The following PDCD11 variants were observed in gnomAD, a reference collection of about 807,000 sequenced individuals.
PDCD11 encodes programmed cell death 11, also known as protein RRP5 homolog.
PDCD11 carries 97 observed loss-of-function variants against 198.9 expected under a neutral mutation model. The observed-to-expected ratio is 0.49, with a 90% CI of 0.41 to 0.58. The LOEUF is 0.58. Ranked by LOEUF, PDCD11 falls within the 20% of genes least tolerant of loss-of-function variation. The pLI is 0.00. For missense variants in PDCD11, 2,102 were observed against 2,312.7 expected, an observed-to-expected ratio of 0.91 and a Z score of 1.87; for synonymous variants, 893 against 918.0, an observed-to-expected ratio of 0.97 and a Z score of 0.49.
intron 21 of PDCD11, among the ~76,000 whole-genome samples, chr10:103,430,358 C>T (rs2031876487): frequency 6.6e-6 from 1 of 152,100 alleles, no homozygotes; most frequent in Admixed American, 6.5e-5. Context: ...GTTTATCCAC[C>T]CATTGGTCAA....
chr10:103,440,163 G>A, intron 28 of PDCD11, 127 bp from the exon 29 acceptor site: 1 of 1,365,550 alleles, frequency 7.3e-7, no homozygotes, highest in South Asian at 1.4e-5. Context: ...AATATTGAAA[G>A]GACTCCCAAG....
intron 8 of PDCD11, among the ~76,000 whole-genome samples, chr10:103,410,210 A>G (rs1008292197): frequency 1.6e-4 from 24 of 151,584 alleles, no homozygotes; most frequent in African/African-American, 5.8e-4. Flanking sequence ...ACTCCAGCCT[A>G]GACAACAGAG....
chr10:103,421,973 C>CAAAA (rs964087668), intron 17 of PDCD11, among the ~76,000 whole-genome samples: 1 of 26,184 alleles, frequency 3.8e-5, no homozygotes, highest in African/African-American at 1.3e-4. Context: ...GACTCCGTCT[C>CAAAA]AAAAAAAAAA....
rs376063378 is a variant in PDCD11 at position 103,423,512 on chromosome 10, A to G, written c.2648-31A>G. Reference sequence around the variant, plus strand: ...TGCTCTCCCTTCACTCTGTTCCAGAAGGATAATCACACTGTGGTTCTGCAC... The same window carrying G: ...TGCTCTCCCTTCACTCTGTTCCAGAGGGATAATCACACTGTGGTTCTGCAC... On this transcript the variant is annotated intron_variant, in intron 18 of 35. Transcript: ENST00000369797. The G allele has an allele frequency of 7.4e-6, 11 of 1,490,310 alleles. No individual in the cohort carries two copies. In the African/African-American group the frequency reaches 1.2e-4, roughly 17 times the overall value. The allele number at this position is 1,490,310 out of a possible 1,614,324, so 92.3% of individuals were successfully genotyped here. A position where few individuals can be genotyped will look rare whatever the true frequency, so the allele number is the denominator to read the frequency against.
intron 21 of PDCD11, 114 bp downstream of exon 21, chr10:103,427,505 C>A: frequency 1.2e-6 from 1 of 856,228 alleles, no homozygotes; most frequent in Non-Finnish European, 1.8e-6. Context: ...TTGCCTTTCT[C>A]TGTCCAAGTT....
intron 33 of PDCD11, among the ~76,000 whole-genome samples, chr10:103,443,700 G>A (rs1016042101): frequency 3.9e-5 from 6 of 152,154 alleles, no homozygotes; most frequent in Admixed American, 6.5e-5. Flanking sequence ...CCATGGGTGC[G>A]GATCAGCAGG....
chr10:103,431,944 G>A (rs1035432472), intron 21 of PDCD11, among the ~76,000 whole-genome samples, 185 bp from the exon 22 acceptor site: 4 of 152,216 alleles, frequency 2.6e-5, no homozygotes, highest in East Asian at 1.9e-4. Context: ...TGAATGAAAC[G>A]GAAAAGATTA....
chr10:103,418,675 G>C (rs548194966), intron 15 of PDCD11, 41 bp downstream of exon 15: 18 of 1,534,434 alleles, frequency 1.2e-5, no homozygotes, highest in Non-Finnish European at 1.5e-5. Context: ...GAAGGTGGGG[G>C]GCCATGGGTG....
intron 25 of PDCD11, among the ~76,000 whole-genome samples, chr10:103,435,802 G>A (rs188258586): frequency 1.1e-4 from 17 of 152,210 alleles, no homozygotes; most frequent in Non-Finnish European, 1.9e-4. Flanking sequence ...CATGAGCCAC[G>A]GTGCCTGGCC....
In PDCD11 at chr10:103,445,827, G is replaced by A; in HGVS notation, c.*278G>A. 2.7e-6 allele frequency: 1 copy of A among 376,894 alleles called. No individual in the cohort carries two copies. The highest frequency in any genetic ancestry group is 4.9e-6 in the Non-Finnish European group (1 of 203,926). 23.3% of individuals were successfully genotyped at this position (376,894 alleles called of 1,614,324 possible). A position where few individuals can be genotyped will look rare whatever the true frequency, so the allele number is the denominator to read the frequency against. On this transcript the variant is annotated 3_prime_UTR_variant, in exon 36 of 36. Transcript: ENST00000369797. ...GCCCCTGGACTCCCAGAAATGCTGAGGGTCCCTCTTCCAGGGGAGTTCCCT... is the reference window on the plus strand; with the variant it reads ...GCCCCTGGACTCCCAGAAATGCTGAAGGTCCCTCTTCCAGGGGAGTTCCCT...
In PDCD11 at chr10:103,425,526, G is replaced by A. The variant is rs1444707568; in HGVS notation, c.3305+1G>A. The A allele has an allele frequency of 6.2e-7, 1 of 1,600,526 alleles. No homozygotes were observed. Among genetic ancestry groups the A allele is most frequent in the Non-Finnish European group, 8.6e-7 (1 of 1,169,014 alleles). Reference sequence around the variant, plus strand: ...GCGGGCGAGACATGAAGACATTCAAGTATGGAGGCTCTGGGGGTGGGCTGG... The same window carrying A: ...GCGGGCGAGACATGAAGACATTCAAATATGGAGGCTCTGGGGGTGGGCTGG... On this transcript the variant is annotated splice_donor_variant, in intron 20 of 35. Coordinates refer to ENST00000369797, the MANE Select transcript of PDCD11 (RefSeq NM_014976.2). LOFTEE classifies it high-confidence loss of function.
chr10:103,418,975 C>T (rs7921688), intron 15 of PDCD11, among the ~76,000 whole-genome samples: 2,152 of 139,648 alleles, frequency 0.015, 48 homozygotes, highest in African/African-American at 0.051. Context: ...GGCTTCTGTC[C>T]CCCTTTCCTC....
At chr10:103,409,323 AACCTTTTTTTTTT>A (rs2030653007) in intron 7 of PDCD11, among the ~76,000 whole-genome samples, 1 of 134,344 alleles carries the variant, frequency 7.4e-6, no homozygotes, top group Non-Finnish European at 1.7e-5. Flanking sequence ...TTTTTTTTTT[AACCTTTTTTTTTT>A]ACCTTCCTAT....
chr10:103,445,776 G>C lies in PDCD11; in HGVS notation c.*227G>C. The C allele has an allele frequency of 4.2e-6, 2 of 480,792 alleles. No homozygotes were observed. Among genetic ancestry groups the C allele is most frequent in the Non-Finnish European group, 3.8e-6 (1 of 266,228 alleles). 29.8% of individuals were successfully genotyped at this position (480,792 alleles called of 1,614,324 possible). ...ACTTGTTATCTTTTTCCTTATCTGA[G>C]GCTACCTGGGGATTGTGGGCAGCAG... On this transcript the variant is annotated 3_prime_UTR_variant, in exon 36 of 36. Transcript: ENST00000369797.
At chr10:103,416,412 G>C in intron 12 of PDCD11, 79 bp from the exon 13 acceptor site, 1 of 1,520,226 alleles carries the variant, frequency 6.6e-7, no homozygotes, top group Non-Finnish European at 9.0e-7. Context: ...TGGCTTTTGG[G>C]TTTAAGAGGT....
chr10:103,439,898 G>A, intron 28 of PDCD11, 30 bp downstream of exon 28: 1 of 1,611,904 alleles, frequency 6.2e-7, no homozygotes, highest in Non-Finnish European at 8.5e-7. Context: ...CTCTCTCTCT[G>A]TAATGTGAAT....
Position 103,421,536 on chromosome 10 carries a change from G to T in PDCD11, c.2466G>T (p.Leu822=). 1 of 1,570,042 alleles carries T rather than the reference G, an allele frequency of 6.4e-7. No homozygotes were observed. The highest frequency in any genetic ancestry group is 8.6e-7 in the Non-Finnish European group (1 of 1,156,798). The change falls in exon 17 of 36, where the codon CTG becomes CTT. Residue 822 remains leucine (L), a synonymous_variant. Coordinates refer to ENST00000369797, the MANE Select transcript of PDCD11 (RefSeq NM_014976.2). ...LLLLNQCLEE[L]QGVRSLMSNR... ...TCCTGAATCAGTGCCTGGAGGAGCT[G>T]CAGGGCGTGCGCAGCCTTATGAGCA... is the stretch of plus-strand genomic sequence containing the variant.
intron 28 of PDCD11, 36 bp downstream of exon 28, chr10:103,439,904 T>C (rs745552176): frequency 6.2e-6 from 10 of 1,613,110 alleles, no homozygotes; most frequent in South Asian, 1.1e-5. Flanking sequence ...CTCTGTAATG[T>C]GAATCAAACC....
chr10:103,428,423 G>A (rs72847561), intron 21 of PDCD11, among the ~76,000 whole-genome samples: 3,635 of 151,296 alleles, frequency 0.024, 75 homozygotes, highest in Non-Finnish European at 0.032. Context: ...ATAAGATTTG[G>A]GGGATGAATT....
Sources: gnomAD v4.1 joint callset for allele counts (sites outside exome capture counted in the v4.1 genomes callset) on GRCh38, gnomAD v4.1.1 for gene constraint, MANE v1.5 for transcripts, NCBI Gene and HGNC (gene_info 2026-07-23, HGNC 2026-07-21) for gene names.